Variants in OGDH observed in about 807,000 individuals in gnomAD.
The protein encoded by OGDH is oxoglutarate dehydrogenase.
Under a neutral mutation model 116.6 loss-of-function variants are expected in OGDH, and 38 were observed. The ratio of observed to expected loss-of-function variants is 0.33; its 90% CI spans 0.25 to 0.43. The LOEUF is 0.43. OGDH is among the 20% of genes least tolerant of loss of function. The pLI, the probability that OGDH is intolerant of heterozygous loss-of-function variation, is 1.00. For missense variants in OGDH, 825 were observed against 1,357.2 expected (o/e 0.61, Z 6.16); for synonymous variants, 488 against 533.3 (o/e 0.92, Z 1.17).
rs967371905 is a variant in OGDH at position 44,707,608 on chromosome 7, G to A, written c.2823G>A (p.Leu941=). ...EQLSPFPFDL[L]LKEVQKYPNA... Reference sequence around the variant, plus strand: ...TGTCGCCATTCCCCTTTGACCTCCTGCTGAAGGAGGTGCAGAAGTACCCCA... The same window carrying A: ...TGTCGCCATTCCCCTTTGACCTCCTACTGAAGGAGGTGCAGAAGTACCCCA... The change falls in exon 22 of 23, where the codon CTG becomes CTA. Residue 941 remains leucine, a synonymous_variant. Coordinates refer to ENST00000222673, the MANE Select transcript of OGDH (RefSeq NM_002541.4). The surrounding 1 kb of genome is among the most constrained non-coding windows in gnomAD (Gnocchi z 5.2). 6.2e-7 allele frequency: 1 copy of A among 1,613,924 alleles called. No individual in the cohort carries two copies. Among genetic ancestry groups the A allele is most frequent in the Non-Finnish European group, 8.5e-7 (1 of 1,180,030 alleles).
At chr7:44,692,202 G>A (rs1275162193) in intron 10 of OGDH, among the ~76,000 whole-genome samples, 1 of 152,184 alleles carries the variant, frequency 6.6e-6, no homozygotes, top group South Asian at 2.1e-4. Context: ...GAGAAAATTT[G>A]TATAAGGATG....
chr7:44,662,802 C>T (rs745945019), intron 4 of OGDH, among the ~76,000 whole-genome samples: 1 of 152,170 alleles, frequency 6.6e-6, no homozygotes, highest in Non-Finnish European at 1.5e-5. Context: ...CTGATGAGAA[C>T]TCCTGTCATT....
At position 44,606,704 on chromosome 7, in the gene OGDH, T is replaced by C. The variant is rs938629967; in HGVS notation, c.-28+51T>C. On this transcript the variant is annotated intron_variant, in intron 1 of 22. Coordinates refer to ENST00000222673, the MANE Select transcript of OGDH (RefSeq NM_002541.4). ...GTCCCAGTGCCGGGTGTCGCGGCGC[T>C]TGGCGGCCCGGGGTTGGAGATCGCG... is the stretch of plus-strand genomic sequence containing the variant. 2.6e-5 allele frequency: 4 copies of C among 152,474 alleles called. No individual in the cohort carries two copies. In the East Asian group the frequency reaches 7.7e-4, roughly 29 times the overall value. The allele number at this position is 152,474 out of a possible 1,614,324, so 9.4% of individuals were successfully genotyped here. A position where few individuals can be genotyped will look rare whatever the true frequency, so the allele number is the denominator to read the frequency against.
intron 1 of OGDH, among the ~76,000 whole-genome samples, chr7:44,609,335 T>G (rs1289076622): frequency 1.2e-5 from 1 of 82,516 alleles, no homozygotes; most frequent in Non-Finnish European, 2.9e-5. Context: ...AGACCTCGTC[T>G]CTACAAAAAA....
At chr7:44,624,183 T>G in intron 1 of OGDH, 134 bp from the exon 2 acceptor site, 2 of 636,130 alleles carry the variant, frequency 3.1e-6, no homozygotes, top group Admixed American at 3.0e-5. Context: ...GTTTTGTTTT[T>G]GTTTTTGTTT....
chr7:44,665,232 G>C (rs1787131517), intron 4 of OGDH, among the ~76,000 whole-genome samples: 1 of 148,138 alleles, frequency 6.8e-6, no homozygotes, highest in Non-Finnish European at 1.5e-5. Flanking sequence ...TAACAGGAGG[G>C]AATGGGTGTT....
chr7:44,686,447 G>A (rs1476315213), intron 10 of OGDH, among the ~76,000 whole-genome samples: 1 of 152,140 alleles, frequency 6.6e-6, no homozygotes, highest in Non-Finnish European at 1.5e-5. Flanking sequence ...ATTTTCAAAT[G>A]TGGAATTTTT....
intron 4 of OGDH, among the ~76,000 whole-genome samples, chr7:44,663,098 CCT>C (rs986768901): frequency 2.2e-4 from 33 of 152,170 alleles, no homozygotes; most frequent in African/African-American, 7.5e-4. Flanking sequence ...TCACATGTCC[CCT>C]GAGGCTCTGT....
At chr7:44,642,547 A>G (rs1392426632) in intron 2 of OGDH, among the ~76,000 whole-genome samples, 1 of 152,236 alleles carries the variant, frequency 6.6e-6, no homozygotes, top group African/African-American at 2.4e-5. Flanking sequence ...GAGAACCCCA[A>G]ATCTGTCTTC....
chr7:44,667,852 GTATATA>G (rs1787252307), intron 5 of OGDH, among the ~76,000 whole-genome samples: 1 of 152,160 alleles, frequency 6.6e-6, no homozygotes. Flanking sequence ...TCAGAATTGA[GTATATA>G]TATCAGCTGG....
At chr7:44,688,747 G>A (rs982528884) in intron 10 of OGDH, among the ~76,000 whole-genome samples, 1 of 151,678 alleles carries the variant, frequency 6.6e-6, no homozygotes, top group Non-Finnish European at 1.5e-5. Context: ...TACATTTTTT[G>A]TTGTTGTTTG....
intron 1 of OGDH, among the ~76,000 whole-genome samples, chr7:44,612,890 C>CT (rs1224104635): frequency 7.7e-5 from 11 of 143,452 alleles, no homozygotes; most frequent in South Asian, 2.2e-4. Flanking sequence ...CTTTTCTTTT[C>CT]TTTTTTTTGA....
At chr7:44,706,032 T>G (rs565395268) in intron 20 of OGDH, among the ~76,000 whole-genome samples, 1 of 152,306 alleles carries the variant, frequency 6.6e-6, no homozygotes, top group South Asian at 2.1e-4. Context: ...AACCTCTGCC[T>G]CCCAGGCTAG....
Position 44,696,145 on chromosome 7 carries a change from G to A in OGDH, c.1771+18G>A. On this transcript the variant is annotated intron_variant, in intron 13 of 22. Transcript: ENST00000222673. ...CTGGCCTGGTGAGTGAAGAAACAGT[G>A]CCACAAATAAGCTCCTTTGAGGATC... 1 of 1,509,610 alleles carries A rather than the reference G, an allele frequency of 6.6e-7. No individual in the cohort carries two copies. The highest frequency in any genetic ancestry group is 9.2e-7 in the Non-Finnish European group (1 of 1,084,900). 93.5% of individuals were successfully genotyped at this position (1,509,610 alleles called of 1,614,324 possible).
chr7:44,672,642 T>G (rs1316752597), intron 5 of OGDH, among the ~76,000 whole-genome samples: 2 of 147,730 alleles, frequency 1.4e-5, no homozygotes, highest in Admixed American at 1.3e-4. Context: ...TTTTTGTTTT[T>G]TGTTTTTTTT....
chr7:44,629,575 CTTTTCTTTTTTTTT>C (rs1785344750), intron 2 of OGDH, among the ~76,000 whole-genome samples: 1 of 134,434 alleles, frequency 7.4e-6, no homozygotes, highest in Non-Finnish European at 1.6e-5. Context: ...TTTTCTTTTT[CTTTTCTTTTTTTTT>C]TTTTTTTTTG....
At chr7:44,698,138 G>C in intron 17 of OGDH, 54 bp from the exon 18 acceptor site, 1 of 1,592,712 alleles carries the variant, frequency 6.3e-7, no homozygotes, top group Non-Finnish European at 8.6e-7. Context: ...AGCAGATGCG[G>C]CAAATGTCAG....
chr7:44,647,508 C>G (rs1585281085), intron 3 of OGDH, 149 bp from the exon 4 acceptor site: 1 of 1,541,742 alleles, frequency 6.5e-7, no homozygotes, highest in Non-Finnish European at 8.7e-7. Context: ...TTTGATGATG[C>G]TCCAGTAACT....
intron 2 of OGDH, among the ~76,000 whole-genome samples, chr7:44,632,032 C>T (rs558756154): frequency 1.3e-5 from 2 of 152,080 alleles, no homozygotes. Flanking sequence ...AGGAGCCAGA[C>T]GCAGCAAGAA....
Sources: gnomAD v4.1 joint callset for allele counts (sites outside exome capture counted in the v4.1 genomes callset) on GRCh38, gnomAD v4.1.1 for gene constraint, Gnocchi (gnomAD v3.1) non-coding constraint, MANE v1.5 for transcripts, NCBI Gene and HGNC (gene_info 2026-07-23, HGNC 2026-07-21) for gene names.